Variants in TAFA5 observed in about 807,000 individuals in gnomAD.
TAFA5 encodes chemokine-like protein TAFA-5.
Under a neutral mutation model 15.3 loss-of-function variants are expected in TAFA5, and 6 were observed. That is an observed-to-expected ratio of 0.39 (90% CI 0.21 to 0.77). TAFA5 has a LOEUF of 0.77. Ranked by LOEUF, TAFA5 falls within the 30% of genes least tolerant of loss-of-function variation. The pLI is 0.41. For synonymous variants in TAFA5, 103 were observed against 80.7 expected (o/e 1.28, Z -1.48); for missense variants, 161 against 193.1 (o/e 0.83, Z 0.98).
chr22:48,605,357 ATGG>A (rs1390894964), intron 1 of TAFA5, among the ~76,000 whole-genome samples: 3 of 105,856 alleles, frequency 2.8e-5, no homozygotes, highest in Non-Finnish European at 6.5e-5. Flanking sequence ...GATGGTGATG[ATGG>A]TGGTGATGGT....
At chr22:48,584,747 C>CCA (rs796119794) in intron 1 of TAFA5, among the ~76,000 whole-genome samples, 1 of 148,836 alleles carries the variant, frequency 6.7e-6, no homozygotes, top group Non-Finnish European at 1.5e-5. Context: ...CACGCACCCT[C>CCA]CACACACACA....
chr22:48,609,758 C>T (rs1955869070), intron 1 of TAFA5, among the ~76,000 whole-genome samples: 1 of 152,182 alleles, frequency 6.6e-6, no homozygotes, highest in Admixed American at 6.5e-5. Flanking sequence ...GGCATCAGGG[C>T]CCCGCAGGTC....
chr22:48,492,276 TTTA>T (rs1470934734), intron 1 of TAFA5, among the ~76,000 whole-genome samples: 2 of 152,238 alleles, frequency 1.3e-5, no homozygotes, highest in Non-Finnish European at 2.9e-5. Flanking sequence ...AGTAAGGATT[TTTA>T]TTACTCAAAA....
At chr22:48,741,122 C>T (rs899016958) in intron 3 of TAFA5, among the ~76,000 whole-genome samples, 4 of 152,180 alleles carry the variant, frequency 2.6e-5, no homozygotes, top group African/African-American at 7.2e-5. Flanking sequence ...GGTCCTTATC[C>T]GCACAGATGG....
At chr22:48,684,003 A>T (rs1928276793) in intron 2 of TAFA5, among the ~76,000 whole-genome samples, 1 of 152,138 alleles carries the variant, frequency 6.6e-6, no homozygotes, top group Non-Finnish European at 1.5e-5. Flanking sequence ...TGAGTCAGTT[A>T]AACTTTTTTT....
chr22:48,612,019 G>C (rs148860058), intron 1 of TAFA5, among the ~76,000 whole-genome samples: 2 of 152,166 alleles, frequency 1.3e-5, no homozygotes, highest in African/African-American at 4.8e-5. Flanking sequence ...ATAATGAAAG[G>C]TTGCCTCTGC....
chr22:48,531,972 CT>C (rs1196382746), intron 1 of TAFA5, among the ~76,000 whole-genome samples: 1 of 152,212 alleles, frequency 6.6e-6, no homozygotes, highest in African/African-American at 2.4e-5. Flanking sequence ...GCTGGTGACG[CT>C]TCTGGGTCTG....
chr22:48,717,750 C>T (rs150758398), intron 3 of TAFA5, among the ~76,000 whole-genome samples: 9 of 152,296 alleles, frequency 5.9e-5, no homozygotes, highest in African/African-American at 1.9e-4. Flanking sequence ...AGGAGCCACA[C>T]GGGGGTGATC....
chr22:48,534,533 G>A (rs1429751421), intron 1 of TAFA5, among the ~76,000 whole-genome samples: 1 of 152,176 alleles, frequency 6.6e-6, no homozygotes, highest in African/African-American at 2.4e-5. Context: ...GCAGGCTGGA[G>A]GGCAGGGCCT....
intron 1 of TAFA5, among the ~76,000 whole-genome samples, chr22:48,521,674 G>A (rs1224967947): frequency 6.6e-6 from 1 of 152,192 alleles, no homozygotes; most frequent in Non-Finnish European, 1.5e-5. Flanking sequence ...AGGATGCGTG[G>A]CCACAGATGG....
intron 1 of TAFA5, among the ~76,000 whole-genome samples, chr22:48,574,648 G>C (rs2147140208): frequency 6.6e-6 from 1 of 152,322 alleles, no homozygotes. Context: ...GGTCAGGAGA[G>C]AGGTTCAGGG....
chr22:48,646,174 C>T (rs1220450996), intron 1 of TAFA5, among the ~76,000 whole-genome samples: 1 of 152,166 alleles, frequency 6.6e-6, no homozygotes, highest in Admixed American at 6.5e-5. Flanking sequence ...ACCCTGGGGC[C>T]AGTGTGCTGG....
At chr22:48,732,670 G>A (rs185579398) in intron 3 of TAFA5, among the ~76,000 whole-genome samples, 5 of 152,338 alleles carry the variant, frequency 3.3e-5, no homozygotes, top group Admixed American at 3.3e-4. Context: ...GCAGCGGCAG[G>A]TGTGAGAGAA....
chr22:48,594,877 ATTTT>A (rs376412437), intron 1 of TAFA5, among the ~76,000 whole-genome samples: 28 of 143,558 alleles, frequency 2.0e-4, no homozygotes, highest in African/African-American at 4.1e-4. Context: ...TCCTGAGCAC[ATTTT>A]TTTTTTTTTT....
At chr22:48,686,467 T>C (rs1928357070) in intron 2 of TAFA5, among the ~76,000 whole-genome samples, 1 of 152,176 alleles carries the variant, frequency 6.6e-6, no homozygotes, top group South Asian at 2.1e-4. Context: ...TCATGAGGGC[T>C]CCACTCTTAT....
At chr22:48,610,936 A>ATT (rs33919099) in intron 1 of TAFA5, among the ~76,000 whole-genome samples, 7 of 144,216 alleles carry the variant, frequency 4.9e-5, no homozygotes, top group African/African-American at 1.8e-4. Context: ...ACCCTTAGTA[A>ATT]TTTTTTTTTT....
chr22:48,625,486 T>A (rs1925997439), intron 1 of TAFA5, among the ~76,000 whole-genome samples: 1 of 152,232 alleles, frequency 6.6e-6, no homozygotes, highest in Non-Finnish European at 1.5e-5. Context: ...ATCGCAATCA[T>A]GAGTCTGTCC....
intron 1 of TAFA5, among the ~76,000 whole-genome samples, chr22:48,524,567 C>G (rs1456182308): frequency 6.6e-6 from 1 of 152,348 alleles, no homozygotes; most frequent in East Asian, 1.9e-4. Flanking sequence ...CCAAAACACT[C>G]GGGATGGCTG....
At chr22:48,644,186 G>A (rs887229449) in intron 1 of TAFA5, among the ~76,000 whole-genome samples, 7 of 152,164 alleles carry the variant, frequency 4.6e-5, no homozygotes, top group East Asian at 1.9e-4. Context: ...ATTTGGTAGT[G>A]GAAGTCCAAG....
Sources: allele counts gnomAD v4.1 joint callset (sites outside exome capture counted in the v4.1 genomes callset), GRCh38; gene constraint gnomAD v4.1.1; transcripts MANE v1.5; gene names NCBI Gene and HGNC (gene_info 2026-07-23, HGNC 2026-07-21).